Variants in GPR137B observed in about 807,000 individuals in gnomAD.
GPR137B encodes G protein-coupled receptor 137B, also known as integral membrane protein GPR137B.
In GPR137B, 42 loss-of-function variants were observed where a neutral mutation model predicts 42.5. That is an observed-to-expected ratio of 0.99 (90% confidence interval 0.77 to 1.28). The LOEUF is 1.28. Ranked by LOEUF, GPR137B falls within the 50% of genes most tolerant of loss-of-function variation. The pLI is 0.00. For synonymous variants in GPR137B, 218 were observed against 209.7 expected (o/e 1.04, Z -0.34); for missense variants, 487 against 493.9 (o/e 0.99, Z 0.13).
chr1:236,157,235 T>A (rs1053220336), intron 1 of GPR137B, among the ~76,000 whole-genome samples: 1 of 151,648 alleles, frequency 6.6e-6, no homozygotes, highest in African/African-American at 2.4e-5. Context: ...ACTTTTTTTT[T>A]TTTTTTTGAG....
At chr1:236,157,765 G>GA (rs905670286) in intron 1 of GPR137B, among the ~76,000 whole-genome samples, 16 of 152,188 alleles carry the variant, frequency 1.1e-4, no homozygotes, top group African/African-American at 3.9e-4. Flanking sequence ...CCATTCAGTT[G>GA]AAAAAAATCC....
intron 5 of GPR137B, among the ~76,000 whole-genome samples, chr1:236,203,865 T>C (rs1193522310): frequency 1.3e-5 from 2 of 152,258 alleles, no homozygotes; most frequent in Non-Finnish European, 2.9e-5. Context: ...TTATTAGTTC[T>C]CATACTTTTT....
intron 2 of GPR137B, among the ~76,000 whole-genome samples, chr1:236,174,274 A>T (rs1244496102): frequency 6.6e-6 from 1 of 152,238 alleles, no homozygotes; most frequent in Non-Finnish European, 1.5e-5. Context: ...CTCTGAGAAT[A>T]GGATTTGATA....
At chr1:236,207,161 GA>G in intron 6 of GPR137B, 1 of 985,158 alleles carries the variant, frequency 1.0e-6, no homozygotes, top group South Asian at 4.7e-5. Flanking sequence ...AAAGCTGGGA[GA>G]ATACATGCTT....
intron 5 of GPR137B, among the ~76,000 whole-genome samples, chr1:236,194,963 T>A (rs2102921770): frequency 6.6e-6 from 1 of 152,314 alleles, no homozygotes; most frequent in Non-Finnish European, 1.5e-5. Context: ...GGGCATCATC[T>A]AGCTTTTAAA....
intron 1 of GPR137B, among the ~76,000 whole-genome samples, chr1:236,153,778 T>A: frequency 6.6e-6 from 1 of 152,262 alleles, no homozygotes; most frequent in South Asian, 2.1e-4. Flanking sequence ...AATTCATTCC[T>A]TCATCTCTGT....
chr1:236,196,437 G>T (rs2102922467), intron 5 of GPR137B, among the ~76,000 whole-genome samples: 1 of 152,268 alleles, frequency 6.6e-6, no homozygotes, highest in Admixed American at 6.5e-5. Context: ...ACTGTGCGTG[G>T]CCAAGAATTA....
chr1:236,164,536 A>G (rs1277330885), intron 1 of GPR137B, among the ~76,000 whole-genome samples: 1 of 152,238 alleles, frequency 6.6e-6, no homozygotes, highest in African/African-American at 2.4e-5. Context: ...CCGGCCAGAG[A>G]GCCAGGGTGA....
At position 236,180,186 on chromosome 1, in the gene GPR137B, A is replaced by G. The variant is rs1167169236; in HGVS notation, c.837+158A>G. Reference sequence around the variant, plus strand: ...ATATAACCTACACGCATCCTTCTGTATACTTTAAATTAATCTCTAGATGAT... The same window carrying G: ...ATATAACCTACACGCATCCTTCTGTGTACTTTAAATTAATCTCTAGATGAT... On this transcript the variant is annotated intron_variant, in intron 4 of 6. Coordinates refer to ENST00000366592, the MANE Select transcript of GPR137B (RefSeq NM_003272.4). 5.0e-6 allele frequency: 3 copies of G among 603,566 alleles called. No homozygotes were observed. The East Asian group carries it at 8.5e-5, about 17-fold the overall frequency. 37.4% of individuals were successfully genotyped at this position (603,566 alleles called of 1,614,324 possible). A position where few individuals can be genotyped will look rare whatever the true frequency, so the allele number is the denominator to read the frequency against.
At chr1:236,146,217 T>C (rs1476399) in intron 1 of GPR137B, among the ~76,000 whole-genome samples, 2 of 152,014 alleles carry the variant, frequency 1.3e-5, no homozygotes, top group Non-Finnish European at 1.5e-5. Context: ...CGTGTTCTCC[T>C]GGAGCGCAAA....
chr1:236,157,012 G>T (rs1030081268), intron 1 of GPR137B, among the ~76,000 whole-genome samples: 1 of 152,134 alleles, frequency 6.6e-6, no homozygotes, highest in Non-Finnish European at 1.5e-5. Flanking sequence ...CCACCCACGT[G>T]GTACTTACTA....
intron 5 of GPR137B, among the ~76,000 whole-genome samples, chr1:236,201,634 G>T (rs1354364261): frequency 2.6e-5 from 4 of 151,876 alleles, no homozygotes. Context: ...TATTATATCT[G>T]TTTCTCTGGA....
At chr1:236,182,319 A>G (rs1376597991) in intron 4 of GPR137B, among the ~76,000 whole-genome samples, 1 of 152,218 alleles carries the variant, frequency 6.6e-6, no homozygotes, top group Non-Finnish European at 1.5e-5. Context: ...TCCATTAAAT[A>G]ACAAAGATTT....
At chr1:236,184,451 A>C (rs757182973) in intron 5 of GPR137B, among the ~76,000 whole-genome samples, 1 of 152,222 alleles carries the variant, frequency 6.6e-6, no homozygotes, top group Non-Finnish European at 1.5e-5. Flanking sequence ...CAGAAAATGC[A>C]AAACCAAGTA....
chr1:236,196,705 A>C (rs1292873330), intron 5 of GPR137B, among the ~76,000 whole-genome samples: 1 of 152,150 alleles, frequency 6.6e-6, no homozygotes, highest in East Asian at 1.9e-4. Context: ...GAGAAGATAT[A>C]ATGTTTGGTT....
intron 2 of GPR137B, among the ~76,000 whole-genome samples, chr1:236,177,197 GGTT>G (rs1294078116): frequency 6.6e-6 from 1 of 152,102 alleles, no homozygotes; most frequent in Non-Finnish European, 1.5e-5. Context: ...GTAAGTGGGG[GGTT>G]GTTATGTCAC....
chr1:236,171,066 A>G lies in GPR137B; in HGVS notation c.464+2311A>G, dbSNP rs556656225. On this transcript the variant is annotated intron_variant, in intron 2 of 6. Transcript: ENST00000366592. The surrounding 1 kb of genome is among the most constrained non-coding windows in gnomAD (Gnocchi z 4.4). ...CACAAATCTAACACGAAATGTATTTATGTTTCAGATACACCTTATACACAT... is the reference window on the plus strand; with the variant it reads ...CACAAATCTAACACGAAATGTATTTGTGTTTCAGATACACCTTATACACAT... Among the ~76,000 whole-genome samples the G allele has an allele frequency of 6.6e-6, 1 of 152,192 alleles. No homozygotes were observed. Among genetic ancestry groups the G allele is most frequent in the South Asian group, 2.1e-4 (1 of 4,818 alleles).
At chr1:236,153,482 T>G (rs1661930908) in intron 1 of GPR137B, among the ~76,000 whole-genome samples, 1 of 152,254 alleles carries the variant, frequency 6.6e-6, no homozygotes, top group Non-Finnish European at 1.5e-5. Context: ...AATAATATTG[T>G]GCTGCATGGA....
intron 5 of GPR137B, among the ~76,000 whole-genome samples, chr1:236,190,947 G>C (rs989150400): frequency 6.6e-6 from 1 of 152,150 alleles, no homozygotes; most frequent in Admixed American, 6.5e-5. Flanking sequence ...TTCCAACTTG[G>C]TTCCATTCTC....
Sources: gnomAD v4.1 joint callset for allele counts (sites outside exome capture counted in the v4.1 genomes callset) on GRCh38, gnomAD v4.1.1 for gene constraint, Gnocchi (gnomAD v3.1) non-coding constraint, MANE v1.5 for transcripts, NCBI Gene and HGNC (gene_info 2026-07-23, HGNC 2026-07-21) for gene names.